Variants in LINGO2 observed in about 807,000 individuals in gnomAD.
The protein encoded by LINGO2 is leucine rich repeat and Ig domain containing 2.
A neutral mutation model predicts 30.6 loss-of-function variants in LINGO2; 14 were observed. The observed-to-expected ratio is 0.46, with a 90% confidence interval of 0.30 to 0.72. The LOEUF (loss-of-function observed/expected upper bound fraction) is 0.72. Among genes scored for constraint, LINGO2 ranks in the 30% least tolerant of loss-of-function variants. The pLI is 0.07. For missense variants in LINGO2, 729 were observed against 751.7 expected (o/e 0.97, Z 0.35); for synonymous variants, 317 against 288.5 (o/e 1.10, Z -1.00).
At chr9:28,441,244 T>A (rs10812829) in intron 2 of LINGO2, among the ~76,000 whole-genome samples, 10 of 134,552 alleles carry the variant, frequency 7.4e-5, no homozygotes, top group Admixed American at 7.4e-4. Context: ...TATAAATTCA[T>A]TGGAGGCTTT....
At chr9:28,361,593 A>G (rs1368467070) in intron 3 of LINGO2, among the ~76,000 whole-genome samples, 1 of 152,082 alleles carries the variant, frequency 6.6e-6, no homozygotes, top group African/African-American at 2.4e-5. Context: ...CTGAGATTTA[A>G]CACACCTAAT....
the LINGO2 span, among the ~76,000 whole-genome samples, chr9:29,138,784 C>A: frequency 1.5e-4 from 23 of 152,132 alleles, no homozygotes; most frequent in African/African-American, 4.6e-4. Context: ...ACAACTAATG[C>A]GTCATATAAT....
chr9:28,645,309 AG>A (rs1420322730), intron 1 of LINGO2, among the ~76,000 whole-genome samples: 1 of 152,140 alleles, frequency 6.6e-6, no homozygotes, highest in Non-Finnish European at 1.5e-5. Context: ...GGACTGTGAT[AG>A]GTCATTCACA....
chr9:28,890,891 C>G, the LINGO2 span, among the ~76,000 whole-genome samples: 13 of 151,918 alleles, frequency 8.6e-5, no homozygotes, highest in Non-Finnish European at 1.3e-4. Context: ...CTAACAAAAT[C>G]AACTGACTAG....
chr9:28,033,951 T>G (rs2132918232), intron 4 of LINGO2, among the ~76,000 whole-genome samples: 1 of 152,282 alleles, frequency 6.6e-6, no homozygotes, highest in East Asian at 1.9e-4. Context: ...GTAAACACAC[T>G]TCAATATCAC....
At chr9:29,186,928 T>A in the LINGO2 span, among the ~76,000 whole-genome samples, 37 of 152,268 alleles carry the variant, frequency 2.4e-4, no homozygotes, top group African/African-American at 8.4e-4. Context: ...ACAATAATAA[T>A]AAAATTGTAG....
chr9:27,959,853 C>A (rs1203491110), intron 5 of LINGO2, among the ~76,000 whole-genome samples: 1 of 152,096 alleles, frequency 6.6e-6, no homozygotes, highest in East Asian at 1.9e-4. Flanking sequence ...GTTATCAATT[C>A]CTGAGAAATG....
intron 1 of LINGO2, among the ~76,000 whole-genome samples, chr9:28,481,988 G>T (rs1374859633): frequency 6.6e-6 from 1 of 152,130 alleles, no homozygotes; most frequent in East Asian, 1.9e-4. Context: ...ATTCCATGGT[G>T]TATATGTGTC....
At chr9:27,949,016 G>A in exon 6 of LINGO2, 1 of 1,614,080 alleles carries the variant, frequency 6.2e-7, no homozygotes, top group East Asian at 2.2e-5. Context: ...CCACTCCCAG[G>A]AATGTGAAGC....
chr9:28,362,909 T>C (rs1391890656), intron 3 of LINGO2, among the ~76,000 whole-genome samples: 1 of 152,138 alleles, frequency 6.6e-6, no homozygotes, highest in Non-Finnish European at 1.5e-5. Flanking sequence ...AAAGAAAAAA[T>C]AGATGTCTGT....
intron 1 of LINGO2, among the ~76,000 whole-genome samples, chr9:28,537,677 G>A (rs895358636): frequency 2.6e-5 from 4 of 151,860 alleles, no homozygotes; most frequent in African/African-American, 9.7e-5. Context: ...AGAGAAAGAC[G>A]TAAAGATAAT....
the LINGO2 span, among the ~76,000 whole-genome samples, chr9:28,785,437 C>T: frequency 6.6e-6 from 1 of 152,106 alleles, no homozygotes; most frequent in Non-Finnish European, 1.5e-5. Flanking sequence ...TCTAAAGTAG[C>T]TTCTCACTCT....
At chr9:28,873,127 G>T in the LINGO2 span, among the ~76,000 whole-genome samples, 6 of 151,956 alleles carry the variant, frequency 3.9e-5, no homozygotes, top group African/African-American at 1.4e-4. Context: ...GTAATCCTTT[G>T]GGAGGCCGAG....
At chr9:28,030,198 C>G (rs1343561854) in intron 4 of LINGO2, among the ~76,000 whole-genome samples, 6 of 152,172 alleles carry the variant, frequency 3.9e-5, no homozygotes, top group Non-Finnish European at 1.5e-5. Context: ...AATGTGAGAA[C>G]TCAGGCACCA....
At chr9:28,587,253 C>T (rs1200206688) in intron 1 of LINGO2, among the ~76,000 whole-genome samples, 2 of 152,000 alleles carry the variant, frequency 1.3e-5, no homozygotes, top group East Asian at 1.9e-4. Context: ...TGTGCTAACT[C>T]AGCATTAATG....
intron 3 of LINGO2, among the ~76,000 whole-genome samples, chr9:28,362,366 T>C (rs1820484515): frequency 6.6e-6 from 1 of 151,960 alleles, no homozygotes; most frequent in African/African-American, 2.4e-5. Flanking sequence ...CAAATACAAA[T>C]AAAATTATAC....
intron 1 of LINGO2, among the ~76,000 whole-genome samples, chr9:28,504,421 G>T (rs1432096603): frequency 6.6e-6 from 1 of 151,674 alleles, no homozygotes; most frequent in Non-Finnish European, 1.5e-5. Context: ...TTCACAAGGG[G>T]CCGATTTCAA....
chr9:28,276,702 A>G (rs1219823579), intron 4 of LINGO2, among the ~76,000 whole-genome samples: 1 of 152,142 alleles, frequency 6.6e-6, no homozygotes, highest in Non-Finnish European at 1.5e-5. Context: ...TACTTCTCGC[A>G]TATTATATTA....
At chr9:29,094,151 A>G in the LINGO2 span, among the ~76,000 whole-genome samples, 2 of 139,058 alleles carry the variant, frequency 1.4e-5, 1 homozygote, top group Non-Finnish European at 3.1e-5. Context: ...TTGTCATTAA[A>G]CAATGTCCTT....
Sources: allele counts gnomAD v4.1 joint callset (sites outside exome capture counted in the v4.1 genomes callset), GRCh38; gene constraint gnomAD v4.1.1; transcripts MANE v1.5; gene names NCBI Gene and HGNC (gene_info 2026-07-23, HGNC 2026-07-21).